Variants in ZNF423 observed in about 807,000 individuals in gnomAD.
The protein encoded by ZNF423 is Ebf-associated zinc finger protein.
In ZNF423, 12 loss-of-function variants were observed where a neutral mutation model predicts 95.8. The ratio of observed to expected loss-of-function variants is 0.13; its 90% confidence interval spans 0.08 to 0.20. The LOEUF (loss-of-function observed/expected upper bound fraction) is 0.20. Among genes scored for constraint, ZNF423 ranks in the 10% least tolerant of loss-of-function variants. ZNF423 has a pLI of 1.00. For missense variants in ZNF423, 1,316 were observed against 1,737.1 expected (o/e 0.76, Z 4.31); for synonymous variants, 749 against 711.9 (o/e 1.05, Z -0.83).
rs1967022833 is a variant in ZNF423 at position 49,492,775 on chromosome 16, C to T, written c.3850-1471G>A. 6.6e-6 allele frequency among the ~76,000 whole-genome samples: 1 copy of T among 152,180 alleles called. No homozygotes were observed. The highest frequency in any genetic ancestry group is 1.5e-5 in the Non-Finnish European group (1 of 68,030). On this transcript the variant is annotated intron_variant, in intron 7 of 7. Transcript: ENST00000563137. This position sits in a 1 kb window ranked among gnomAD's most constrained non-coding sequence, Gnocchi z 4.2. Reference sequence around the variant, plus strand: ...ACCGCTCTTTCAATCCTCACAACAGCCTTGCGAGGTGGGACTTCTTAAGAT... The same window carrying T: ...ACCGCTCTTTCAATCCTCACAACAGTCTTGCGAGGTGGGACTTCTTAAGAT...
rs35641691 is a variant in ZNF423 at position 49,491,542 on chromosome 16, CTTTTTT to C, written c.3850-244_3850-239del. On this transcript the variant is annotated intron_variant, in intron 7 of 7. Transcript: ENST00000563137. Reference sequence around the variant, plus strand: ...GGACTCCCTATATGTTGTTTTTTGGCTTTTTTTTTTTTTTTTTTTTTAAAGACCATT... The same window carrying C: ...GGACTCCCTATATGTTGTTTTTTGGCTTTTTTTTTTTTTTTAAAGACCATT... 2.0e-3 allele frequency among the ~76,000 whole-genome samples: 218 copies of C among 111,220 alleles called. 1 individual carries two copies. The highest frequency in any genetic ancestry group is 6.8e-3 in the African/African-American group (192 of 28,034). The allele number at this position is 111,220 out of a possible 152,430, so 73.0% of individuals were successfully genotyped here.
chr16:49,856,875 G>T (rs957290129), upstream of ZNF423, among the ~76,000 whole-genome samples: 1 of 147,312 alleles, frequency 6.8e-6, no homozygotes, highest in Admixed American at 6.7e-5. Flanking sequence ...GGCTCGGAGA[G>T]GGGGGAGGCG....
intron 7 of ZNF423, among the ~76,000 whole-genome samples, chr16:49,507,662 C>G (rs1967700029): frequency 6.6e-6 from 1 of 152,192 alleles, no homozygotes; most frequent in Non-Finnish European, 1.5e-5. Context: ...CCACTTCTCT[C>G]TGCCAGTATC....
chr16:49,521,319 G>A (rs1261649915), intron 7 of ZNF423, among the ~76,000 whole-genome samples: 8 of 152,216 alleles, frequency 5.3e-5, no homozygotes, highest in African/African-American at 1.7e-4. Flanking sequence ...TGCACTCACG[G>A]GTTTAAAAGA....
chr16:49,516,131 A>G (rs182465362), intron 7 of ZNF423, among the ~76,000 whole-genome samples: 147 of 152,232 alleles, frequency 9.7e-4, no homozygotes, highest in African/African-American at 3.3e-3. Flanking sequence ...GGGAAGGGGG[A>G]CCCGAAGCCC....
chr16:49,488,599 C>A lies in ZNF423; in HGVS notation c.*2676G>T, dbSNP rs964511896. 1 of 152,240 alleles carries A rather than the reference C, an allele frequency of 6.6e-6. No individual in the cohort carries two copies. The highest frequency in any genetic ancestry group is 2.4e-5 in the African/African-American group (1 of 41,448). 9.4% of individuals were successfully genotyped at this position (152,240 alleles called of 1,614,324 possible). The stretch of plus-strand genomic sequence containing the variant: ...CCTGGCACCATCATTGATGACCATG[C>A]TGCTTACAGGTCTCTGTGTGCAGCC... On this transcript the variant is annotated 3_prime_UTR_variant, in exon 8 of 8. Transcript: ENST00000563137.
intron 3 of ZNF423, among the ~76,000 whole-genome samples, chr16:49,678,476 G>C (rs1421816232): frequency 6.6e-6 from 1 of 152,214 alleles, no homozygotes; most frequent in Non-Finnish European, 1.5e-5. Flanking sequence ...GGAGTTGACA[G>C]TCCAGTGGGG....
chr16:49,497,107 C>A (rs1967192306), intron 7 of ZNF423, among the ~76,000 whole-genome samples: 1 of 152,204 alleles, frequency 6.6e-6, no homozygotes, highest in Admixed American at 6.5e-5. Context: ...CCTCCCCACC[C>A]TCAGGAACAG....
At chr16:49,523,805 C>T in intron 6 of ZNF423, 66 bp from the exon 7 acceptor site, 2 of 1,302,084 alleles carry the variant, frequency 1.5e-6, no homozygotes, top group Middle Eastern at 1.8e-4. Flanking sequence ...TGGCAGCTGC[C>T]CCCACAACAC....
intron 1 of ZNF423, among the ~76,000 whole-genome samples, chr16:49,803,933 CTT>C (rs535349308): frequency 0.01 from 1,141 of 109,456 alleles, 9 homozygotes; most frequent in Middle Eastern, 0.024. Flanking sequence ...GGATGAGTTT[CTT>C]TTTTTTTTTT....
At chr16:49,587,352 C>A (rs972120024) in intron 5 of ZNF423, among the ~76,000 whole-genome samples, 12 of 152,204 alleles carry the variant, frequency 7.9e-5, no homozygotes, top group Non-Finnish European at 1.5e-4. Context: ...CAGATGAAGC[C>A]TCTTTGGCAA....
At chr16:49,809,320 T>C (rs1337561380) in intron 1 of ZNF423, among the ~76,000 whole-genome samples, 3 of 152,146 alleles carry the variant, frequency 2.0e-5, no homozygotes, top group Admixed American at 2.0e-4. Flanking sequence ...GGCCCGGCCC[T>C]GGGGGCCCTT....
At chr16:49,669,412 G>A (rs1254434281) in intron 3 of ZNF423, among the ~76,000 whole-genome samples, 2 of 152,032 alleles carry the variant, frequency 1.3e-5, no homozygotes, top group African/African-American at 4.8e-5. Context: ...TAGAGGCCCA[G>A]GCCACCATCC....
chr16:49,849,995 C>A (rs1225489481), intron 1 of ZNF423, among the ~76,000 whole-genome samples: 2 of 152,188 alleles, frequency 1.3e-5, no homozygotes, highest in African/African-American at 4.8e-5. Context: ...AAAGAGAATC[C>A]TTTTCACAAG....
intron 5 of ZNF423, among the ~76,000 whole-genome samples, chr16:49,610,550 A>G (rs1044945324): frequency 1.1e-4 from 16 of 152,234 alleles, no homozygotes; most frequent in African/African-American, 3.8e-4. Context: ...TGAAAACACT[A>G]CAGATAAACC....
intron 5 of ZNF423, among the ~76,000 whole-genome samples, chr16:49,594,239 T>TTCCC (rs1475275541): frequency 1.3e-5 from 2 of 152,074 alleles, no homozygotes; most frequent in African/African-American, 4.8e-5. Flanking sequence ...AATTCCACAC[T>TTCCC]TCCCTCCCAT....
At chr16:49,582,390 T>C (rs1463453171) in intron 5 of ZNF423, among the ~76,000 whole-genome samples, 9 of 152,264 alleles carry the variant, frequency 5.9e-5, no homozygotes, top group Admixed American at 3.3e-4. Context: ...TGTGCTCCCA[T>C]TGCATTCTGC....
chr16:49,504,610 A>G (rs1222789874), intron 7 of ZNF423, among the ~76,000 whole-genome samples: 1 of 119,848 alleles, frequency 8.3e-6, no homozygotes, highest in Non-Finnish European at 2.0e-5. Context: ...AGTGGGCAGG[A>G]TCTTAGAAGG....
At chr16:49,762,690 G>T (rs938404054) in intron 2 of ZNF423, among the ~76,000 whole-genome samples, 2 of 152,116 alleles carry the variant, frequency 1.3e-5, no homozygotes, top group Non-Finnish European at 2.9e-5. Context: ...GAGGTGCAAG[G>T]ACACTCCAGA....
Sources: gnomAD v4.1 joint callset for allele counts (sites outside exome capture counted in the v4.1 genomes callset) on GRCh38, gnomAD v4.1.1 for gene constraint, Gnocchi (gnomAD v3.1) non-coding constraint, MANE v1.5 for transcripts, NCBI Gene and HGNC (gene_info 2026-07-23, HGNC 2026-07-21) for gene names.